Variants in TASOR2 observed in about 807,000 individuals in gnomAD.
TASOR2 encodes the protein protein TASOR 2.
TASOR2 carries 84 observed loss-of-function variants against 199.5 expected under a neutral mutation model. That is an observed-to-expected ratio of 0.42 (90% confidence interval 0.35 to 0.50). The LOEUF is 0.50. TASOR2 is among the 20% of genes least tolerant of loss of function. The pLI is 0.02. For synonymous variants in TASOR2, 1,103 were observed against 1,046.6 expected (o/e 1.05, Z -1.04); for missense variants, 2,796 against 2,835.9 (o/e 0.99, Z 0.32).
Position 5,706,161 on chromosome 10 carries a change from A to T in TASOR2, c.-287-6662A>T, listed in dbSNP as rs1175095547. On this transcript the variant is annotated intron_variant, in intron 1 of 20. Coordinates refer to ENST00000328090, the Ensembl canonical transcript of TASOR2. This position sits in a 1 kb window ranked among gnomAD's most constrained non-coding sequence, Gnocchi z 4.8. ...AATGGAATTATACTGGCAATATTGAAAATCTGTTATCTGGACTCTATTCTG... is the reference window on the plus strand; with the variant it reads ...AATGGAATTATACTGGCAATATTGATAATCTGTTATCTGGACTCTATTCTG... 6.6e-6 allele frequency among the ~76,000 whole-genome samples: 1 copy of T among 152,140 alleles called. No homozygotes were observed. Among genetic ancestry groups the T allele is most frequent in the Non-Finnish European group, 1.5e-5 (1 of 68,016 alleles).
rs1836581767 is a variant in TASOR2, at chr10:5,742,513, C to T, written c.2744C>T (p.Ser915Phe). ...CAAGAAGACCAGAATTTCATCTGTT[C>T]TTACAATAATGAGGTATGTAAAGCT... is the stretch of plus-strand genomic sequence containing the variant. Residue 915 changes from serine to phenylalanine, a missense_variant, in exon 14 of 21, where the codon TCT becomes TTT. By Grantham distance (155) the Ser-to-Phe change is radical. Transcript: ENST00000328090. This position sits in a 1 kb window ranked among gnomAD's most constrained non-coding sequence, Gnocchi z 4.2. 3.7e-6 allele frequency: 6 copies of T among 1,612,950 alleles called. No individual in the cohort carries two copies. The highest frequency in any genetic ancestry group is 5.1e-6 in the Non-Finnish European group (6 of 1,179,808).
Position 5,706,832 on chromosome 10 carries a change from A to G in TASOR2, c.-287-5991A>G, listed in dbSNP as rs1386828243. Among the ~76,000 whole-genome samples the G allele has an allele frequency of 6.6e-6, 1 of 152,032 alleles. No homozygotes were observed. The highest frequency in any genetic ancestry group is 2.4e-5 in the African/African-American group (1 of 41,402). The stretch of plus-strand genomic sequence containing the variant: ...AACCTGGCTAACATGGTGAAATCCC[A>G]TCTCTACTAAAAATACAAAAATTAG... On this transcript the variant is annotated intron_variant, in intron 1 of 20. Transcript: ENST00000328090. The surrounding 1 kb of genome is among the most constrained non-coding windows in gnomAD (Gnocchi z 4.8).
rs1186993716 is a variant in TASOR2 at position 5,689,462 on chromosome 10, T to TG, written c.-288+4292dup. Reference sequence around the variant, plus strand: ...TAAAAATACAAAAATTATCCCGGCATGGGGGTGCGCGCCTGTAGTCCCAGC... The same window carrying TG: ...TAAAAATACAAAAATTATCCCGGCATGGGGGGTGCGCGCCTGTAGTCCCAGC... On this transcript the variant is annotated intron_variant, in intron 1 of 20. Coordinates refer to ENST00000328090, the Ensembl canonical transcript of TASOR2. This position sits in a 1 kb window ranked among gnomAD's most constrained non-coding sequence, Gnocchi z 4.1. Among the ~76,000 whole-genome samples, 2 of 152,064 alleles carry TG rather than the reference T, an allele frequency of 1.3e-5. No individual in the cohort carries two copies. The highest frequency in any genetic ancestry group is 2.9e-5 in the Non-Finnish European group (2 of 68,000).
chr10:5,727,751 T>A (rs1463738400), intron 10 of TASOR2, among the ~76,000 whole-genome samples: 6 of 152,290 alleles, frequency 3.9e-5, no homozygotes, highest in African/African-American at 1.4e-4. Flanking sequence ...TCACTTTCTT[T>A]GTTCCCGTCA....
exon 15 of TASOR2, chr10:5,747,735 C>T (rs371063900): frequency 2.5e-6 from 4 of 1,614,184 alleles, no homozygotes; most frequent in Middle Eastern, 1.6e-4. Flanking sequence ...GCAACCAAAT[C>T]TCCCAATGTG....
chr10:5,703,757 C>A (rs1374940748), intron 1 of TASOR2, among the ~76,000 whole-genome samples: 3 of 152,010 alleles, frequency 2.0e-5, no homozygotes, highest in African/African-American at 7.2e-5. Context: ...CCCGCCTCTG[C>A]CTCCCAAAGT....
rs1293742725 is a variant in TASOR2 at position 5,742,670 on chromosome 10, A to T, written c.2757+144A>T. On this transcript the variant is annotated intron_variant, in intron 14 of 20. Transcript: ENST00000328090. This position sits in a 1 kb window ranked among gnomAD's most constrained non-coding sequence, Gnocchi z 4.2. ...TATGTAAAGAACTATTACACCAAAA[A>T]CCTAGTTTTCATGAAGTGTCCTTGA... 5.2e-6 allele frequency: 4 copies of T among 764,204 alleles called. No individual in the cohort carries two copies. Among genetic ancestry groups the T allele is most frequent in the Non-Finnish European group, 6.1e-6 (3 of 493,170 alleles). 47.3% of individuals were successfully genotyped at this position (764,204 alleles called of 1,614,324 possible).
At chr10:5,715,233 TAAA>T (rs35302172) in intron 2 of TASOR2, among the ~76,000 whole-genome samples, 26 of 140,858 alleles carry the variant, frequency 1.8e-4, no homozygotes, top group Admixed American at 4.1e-4. Flanking sequence ...TTTTTTTTTT[TAAA>T]AAAAAACTGC....
rs1447363527 is a variant in TASOR2 at position 5,763,158 on chromosome 10, A to C, written c.*126A>C. 13 of 907,892 alleles carry C rather than the reference A, an allele frequency of 1.4e-5. No homozygotes were observed. The East Asian group carries it at 3.4e-4, about 24-fold the overall frequency. The allele number at this position is 907,892 out of a possible 1,614,324, so 56.2% of individuals were successfully genotyped here. On this transcript the variant is annotated 3_prime_UTR_variant, in exon 21 of 21. Transcript: ENST00000328090. Reference sequence around the variant, plus strand: ...ACATTTGAAAAACCAATGTTCTACAACTTGGAAAGTTTTCATTTTTTATAT... The same window carrying C: ...ACATTTGAAAAACCAATGTTCTACACCTTGGAAAGTTTTCATTTTTTATAT...
intron 1 of TASOR2, among the ~76,000 whole-genome samples, chr10:5,696,257 T>A (rs1837139897): frequency 6.6e-6 from 1 of 152,180 alleles, no homozygotes. Flanking sequence ...AGATATGAAC[T>A]ATGGAAATTC....
At chr10:5,746,581 C>G in exon 15 of TASOR2, 1 of 1,614,162 alleles carries the variant, frequency 6.2e-7, no homozygotes, top group Admixed American at 1.7e-5. Context: ...ACCAATTACT[C>G]TCACCTTTGA....
chr10:5,723,868 T>C, intron 7 of TASOR2, 91 bp downstream of exon 8: 1 of 687,074 alleles, frequency 1.5e-6, no homozygotes, highest in Non-Finnish European at 2.3e-6. Context: ...TGCACACTTC[T>C]GTTTCATCAT....
rs564116561 is a variant in TASOR2, at chr10:5,711,338, T to C, written c.-287-1485T>C. Among the ~76,000 whole-genome samples the C allele has an allele frequency of 5.9e-5, 9 of 152,272 alleles. No individual in the cohort carries two copies. The East Asian group carries it at 1.5e-3, about 26-fold the overall frequency. ...GTTTTAATTGAGATTCTTTTTTCTC[T>C]TTAATTTTTGAACTTTAATACATTT... On this transcript the variant is annotated intron_variant, in intron 1 of 20. Coordinates refer to ENST00000328090, the Ensembl canonical transcript of TASOR2.
At chr10:5,707,556 G>A (rs1400978737) in intron 1 of TASOR2, among the ~76,000 whole-genome samples, 1 of 151,874 alleles carries the variant, frequency 6.6e-6, no homozygotes, top group Non-Finnish European at 1.5e-5. Context: ...TATCTCACTG[G>A]CCAGAACTGA....
At chr10:5,709,565 AGAATTCT>A in intron 1 of TASOR2, 2 of 1,231,058 alleles carry the variant, frequency 1.6e-6, no homozygotes, top group Non-Finnish European at 2.0e-6. Flanking sequence ...GACTATGTCA[AGAATTCT>A]GAGGGTATAC....
chr10:5,760,346 GTATGCTCTTCATAT>G (rs1244531076), intron 18 of TASOR2, among the ~76,000 whole-genome samples: 9 of 152,314 alleles, frequency 5.9e-5, no homozygotes, highest in African/African-American at 2.2e-4. Flanking sequence ...TGGCGCTGCA[GTATGCTCTTCATAT>G]TATACCACTC....
intron 2 of TASOR2, 88 bp from the exon 3 acceptor site, chr10:5,714,047 A>C: frequency 1.6e-6 from 1 of 623,070 alleles, no homozygotes; most frequent in Non-Finnish European, 2.1e-6. Flanking sequence ...TTGTATAATA[A>C]AAAATAAAAT....
intron 14 of TASOR2, among the ~76,000 whole-genome samples, chr10:5,744,293 T>TTTTTGTTTCG (rs1836850417): frequency 1.3e-5 from 2 of 150,586 alleles, no homozygotes; most frequent in Non-Finnish European, 3.0e-5. Context: ...TGACTCTGTT[T>TTTTTGTTTCG]TTTTGTTTTG....
intron 15 of TASOR2, among the ~76,000 whole-genome samples, chr10:5,755,067 A>G (rs868593584): frequency 2.0e-5 from 3 of 150,884 alleles, no homozygotes; most frequent in East Asian, 1.9e-4. Flanking sequence ...AAAAAAAAAA[A>G]AGAGAAATCT....
Sources: gnomAD v4.1 joint callset for allele counts (sites outside exome capture counted in the v4.1 genomes callset) on GRCh38, gnomAD v4.1.1 for gene constraint, Gnocchi (gnomAD v3.1) non-coding constraint, MANE v1.5 for transcripts, NCBI Gene and HGNC (gene_info 2026-07-23, HGNC 2026-07-21) for gene names.